Variants in RP1L1 observed in about 807,000 individuals in gnomAD.
RP1L1 encodes retinitis pigmentosa 1-like 1 protein.
A neutral mutation model predicts 15.7 loss-of-function variants in RP1L1; 27 were observed. The observed-to-expected ratio is 1.72, with a 90% CI of 1.27 to 2.38. The LOEUF is 2.38. Among genes scored for constraint, RP1L1 ranks in the 30% most tolerant of loss-of-function variants. RP1L1 has a pLI of 0.00. For synonymous variants in RP1L1, 1,813 were observed against 1,276.7 expected (o/e 1.42, Z -8.96); for missense variants, 4,798 against 3,075.9 (o/e 1.56, Z -13.24).
intron 1 of RP1L1, among the ~76,000 whole-genome samples, chr8:10,642,114 C>G (rs968298166): frequency 1.3e-5 from 2 of 151,884 alleles, no homozygotes; most frequent in African/African-American, 4.8e-5. Context: ...CAGGTGATCC[C>G]TCTGTATTAT....
At chr8:10,631,226 C>G (rs536021230) in intron 1 of RP1L1, among the ~76,000 whole-genome samples, 1 of 146,540 alleles carries the variant, frequency 6.8e-6, no homozygotes, top group African/African-American at 2.5e-5. Flanking sequence ...CACACACAAA[C>G]GCACACACGT....
Position 10,610,053 on chromosome 8 carries a change from G to T in RP1L1, c.4045C>A (p.Gln1349Lys). Residue 1349 changes from glutamine (Q) to lysine (K), a missense_variant, in exon 4 of 4, where the codon CAG (glutamine) becomes AAG (lysine). By Grantham distance (53) the Gln-to-Lys change is moderately conservative. Coordinates refer to ENST00000382483, the MANE Select transcript of RP1L1 (RefSeq NM_178857.6). Reference protein sequence around the residue: ...EETKETEGEGQQEEEAQLEEI... With the variant: ...EETKETEGEGKQEEEAQLEEI... The stretch of plus-strand genomic sequence containing the variant: ...TCTAACTGCGCCTCTTCTTCTTGCT[G>T]TCCTTCTCCTTCTGTTTCTTTAGTT... 3 of 1,263,470 alleles carry T rather than the reference G, an allele frequency of 2.4e-6. No individual in the cohort carries two copies. The highest frequency in any genetic ancestry group is 1.4e-5 in the South Asian group (1 of 73,898). The allele number at this position is 1,263,470 out of a possible 1,614,324, so 78.3% of individuals were successfully genotyped here.
At position 10,607,485 on chromosome 8, in the gene RP1L1, C is replaced by A. The variant is rs970735215; in HGVS notation, c.6613G>T (p.Ala2205Ser). 1 of 1,609,638 alleles carries A rather than the reference C, an allele frequency of 6.2e-7. No individual in the cohort carries two copies. Among genetic ancestry groups the A allele is most frequent in the Non-Finnish European group, 8.5e-7 (1 of 1,176,992 alleles). ...GIEAPEAEGEAQPELEGVEAP... is the reference protein window; with the variant it reads ...GIEAPEAEGESQPELEGVEAP... ...TCTACACCTTCTAACTCTGGTTGGG[C>A]CTCCCCTTCTGCCTCTGGGGCCTCT... Residue 2205 changes from alanine to serine, a missense_variant, in exon 4 of 4, where the codon GCC becomes TCC. Coordinates refer to ENST00000382483, the MANE Select transcript of RP1L1 (RefSeq NM_178857.6).
intron 1 of RP1L1, among the ~76,000 whole-genome samples, chr8:10,651,363 T>C (rs1447234891): frequency 6.6e-6 from 1 of 152,224 alleles, no homozygotes; most frequent in East Asian, 1.9e-4. Flanking sequence ...CAGGTGAATC[T>C]GGGGCCTTGG....
Position 10,613,058 on chromosome 8 carries a change from C to T in RP1L1, c.1040G>A (p.Ser347Asn), listed in dbSNP as rs749361373. Reference sequence around the variant, plus strand: ...TTCCCCACTGGCTGCCGTGAGGGCGCTGGCCCTGCCCATCCTCCGGGACCA... The same window carrying T: ...TTCCCCACTGGCTGCCGTGAGGGCGTTGGCCCTGCCCATCCTCCGGGACCA... ...LLWSRRMGRASALTAASGEDP... is the reference protein window; with the variant it reads ...LLWSRRMGRANALTAASGEDP... Residue 347 changes from serine to asparagine, a missense_variant, in exon 4 of 4, where the codon AGC becomes AAC. Transcript: ENST00000382483. 1 of 1,613,664 alleles carries T rather than the reference C, an allele frequency of 6.2e-7. No homozygotes were observed. The highest frequency in any genetic ancestry group is 8.5e-7 in the Non-Finnish European group (1 of 1,180,040).
rs1168254675 is a variant in RP1L1 at position 10,622,963 on chromosome 8, G to C, written c.239C>G (p.Ser80Cys). ...ATGCAGGCCCCGGGGTGTGGTGACAGAGCGCACCCCAAAGGAGAGAGGCAC... is the reference window on the plus strand; with the variant it reads ...ATGCAGGCCCCGGGGTGTGGTGACACAGCGCACCCCAAAGGAGAGAGGCAC... ...QRVPLSFGVR[S>C]VTTPRGLHSL... The change falls in exon 2 of 4, where the codon TCT (serine) becomes TGT (cysteine). Residue 80 changes from serine (S) to cysteine (C), a missense_variant. Ser to Cys is a moderately radical substitution (Grantham distance 112, BLOSUM62 -1). Coordinates refer to ENST00000382483, the MANE Select transcript of RP1L1 (RefSeq NM_178857.6). The C allele has an allele frequency of 6.2e-7, 1 of 1,614,172 alleles. No individual in the cohort carries two copies. The highest frequency in any genetic ancestry group is 1.1e-5 in the South Asian group (1 of 91,084).
At chr8:10,621,309 A>C (rs1323428071) in intron 2 of RP1L1, 1 of 160,914 alleles carries the variant, frequency 6.2e-6, no homozygotes, top group African/African-American at 2.4e-5. Flanking sequence ...TTTATAACAA[A>C]GTTTTTGTAA....
Position 10,610,744 on chromosome 8 carries a change from G to T in RP1L1, c.3354C>A (p.Leu1118=). 6.2e-7 allele frequency: 1 copy of T among 1,613,462 alleles called. No individual in the cohort carries two copies. Among genetic ancestry groups the T allele is most frequent in the Admixed American group, 1.7e-5 (1 of 60,028 alleles). The part of the protein sequence containing the change: ...ARRLSCSAGA[L]ITCLASLQLF... ...ACTGCAGACTGGCCAGACAAGTAAT[G>T]AGGGCCCCGGCTGAGCAGCTGAGCC... Residue 1118 remains leucine, a synonymous_variant, in exon 4 of 4, where the codon CTC becomes CTA. Transcript: ENST00000382483.
At chr8:10,633,290 C>A (rs1202436851) in intron 1 of RP1L1, among the ~76,000 whole-genome samples, 3 of 152,208 alleles carry the variant, frequency 2.0e-5, no homozygotes, top group African/African-American at 7.2e-5. Context: ...ACTCTCTGAT[C>A]TCCCACTAGT....
In RP1L1 at chr8:10,609,160, C is replaced by G. The variant is rs773690105; in HGVS notation, c.4938G>C (p.Gln1646His). 2 of 1,613,346 alleles carry G rather than the reference C, an allele frequency of 1.2e-6. No individual in the cohort carries two copies. The highest frequency in any genetic ancestry group is 4.5e-5 in the East Asian group (2 of 44,870). Reference protein sequence around the residue: ...EPALSTALGSQLGEEAEGEEF... With the variant: ...EPALSTALGSHLGEEAEGEEF... ...CCTCCCCCTCCGCCTCCTCGCCCAGCTGGCTCCCCAGGGCTGTGCTGAGGG... is the reference window on the plus strand; with the variant it reads ...CCTCCCCCTCCGCCTCCTCGCCCAGGTGGCTCCCCAGGGCTGTGCTGAGGG... Residue 1646 changes from glutamine to histidine, a missense_variant, in exon 4 of 4, where the codon CAG (glutamine) becomes CAC (histidine). Gln to His is a conservative substitution (Grantham distance 24, BLOSUM62 0). Coordinates refer to ENST00000382483, the MANE Select transcript of RP1L1 (RefSeq NM_178857.6).
Position 10,613,073 on chromosome 8 carries a change from C to T in RP1L1, c.1025G>A (p.Arg342Lys), listed in dbSNP as rs867536817. Residue 342 changes from arginine (R) to lysine (K), a missense_variant, in exon 4 of 4, where the codon AGG (arginine) becomes AAG (lysine). Coordinates refer to ENST00000382483, the MANE Select transcript of RP1L1 (RefSeq NM_178857.6). The stretch of plus-strand genomic sequence containing the variant: ...CGTGAGGGCGCTGGCCCTGCCCATC[C>T]TCCGGGACCATAGGAGCGTGTCCTC... ...VGEDTLLWSR[R>K]MGRASALTAA... The T allele has an allele frequency of 5.0e-6, 8 of 1,613,766 alleles. No individual in the cohort carries two copies. The highest frequency in any genetic ancestry group is 5.9e-6 in the Non-Finnish European group (7 of 1,180,040).
intron 1 of RP1L1, among the ~76,000 whole-genome samples, chr8:10,631,887 CG>C (rs1798258813): frequency 6.6e-6 from 1 of 152,218 alleles, no homozygotes; most frequent in Admixed American, 6.5e-5. Flanking sequence ...GAAGCCAGCA[CG>C]GGGCGGATTT....
intron 2 of RP1L1, chr8:10,621,579 G>C (rs576061718): frequency 1.3e-5 from 5 of 397,252 alleles, no homozygotes; most frequent in South Asian, 9.2e-5. Flanking sequence ...GCCTGCCTCA[G>C]CCTCCCAAAG....
chr8:10,629,656 G>A (rs1039853734), intron 1 of RP1L1, among the ~76,000 whole-genome samples: 1 of 152,130 alleles, frequency 6.6e-6, no homozygotes, highest in Non-Finnish European at 1.5e-5. Context: ...CTTAAACCAG[G>A]TAGAGGTTTA....
At position 10,611,717 on chromosome 8, in the gene RP1L1, TCC is replaced by T. The variant is rs777947978; in HGVS notation, c.2379_2380del (p.Glu794ArgfsTer20). On this transcript the variant is annotated frameshift_variant, in exon 4 of 4. Transcript: ENST00000382483. LOFTEE classifies it low-confidence loss of function (END_TRUNC). ...GGGCTGAGGCGTGTCCCTGGCCTCT[TCC>T]CCCAGGCTGGCAGCCCCAGATTTTG... 1 of 1,613,358 alleles carries T rather than the reference TCC, an allele frequency of 6.2e-7. No homozygotes were observed. Among genetic ancestry groups the T allele is most frequent in the Non-Finnish European group, 8.5e-7 (1 of 1,179,954 alleles).
Position 10,606,849 on chromosome 8 carries a change from A to G in RP1L1, c.*46T>C. 6.2e-7 allele frequency: 1 copy of G among 1,612,382 alleles called. No individual in the cohort carries two copies. The highest frequency in any genetic ancestry group is 8.5e-7 in the Non-Finnish European group (1 of 1,179,984). On this transcript the variant is annotated 3_prime_UTR_variant, in exon 4 of 4. Transcript: ENST00000382483. ...CAGTTTTGTAGAAAAAATATGAATAAAAACAGAGCTCCCAAGCTCGTGATT... is the reference window on the plus strand; with the variant it reads ...CAGTTTTGTAGAAAAAATATGAATAGAAACAGAGCTCCCAAGCTCGTGATT...
Position 10,610,864 on chromosome 8 carries a change from C to A in RP1L1, c.3234G>T (p.Arg1078=), listed in dbSNP as rs1373411758. Residue 1078 remains arginine (R), a synonymous_variant, in exon 4 of 4, where the codon CGG becomes CGT. Coordinates refer to ENST00000382483, the MANE Select transcript of RP1L1 (RefSeq NM_178857.6). The part of the protein sequence containing the change: ...CRVSLRALPG[R]VSASTQIMRA... ...TCATGATCTGCGTGGAGGCAGACAC[C>A]CGGCCAGGAAGTGCCCGCAGGCTCA... 1.2e-6 allele frequency: 2 copies of A among 1,608,220 alleles called. No individual in the cohort carries two copies. The highest frequency in any genetic ancestry group is 3.3e-5 in the Admixed American group (2 of 59,770).
chr8:10,611,864 T>A lies in RP1L1; in HGVS notation c.2234A>T (p.His745Leu), dbSNP rs754420197. The change falls in exon 4 of 4, where the codon CAC becomes CTC. Residue 745 changes from histidine (H) to leucine (L), a missense_variant. Transcript: ENST00000382483. ...TSSATVTPAV[H>L]SDFVSGVSPH... ...GGAGACTCCAGAAACAAAATCCGAG[T>A]GGACTGCAGGGGTGACAGTGGCACT... 1.1e-5 allele frequency: 18 copies of A among 1,613,614 alleles called. No homozygotes were observed. The highest frequency in any genetic ancestry group is 1.5e-5 in the Non-Finnish European group (18 of 1,179,986).
chr8:10,619,819 G>C (rs1343127743), intron 2 of RP1L1, among the ~76,000 whole-genome samples: 1 of 152,012 alleles, frequency 6.6e-6, no homozygotes, highest in Non-Finnish European at 1.5e-5. Context: ...CATTAGCTGG[G>C]CATGGTGGCA....
Sources: gnomAD v4.1 joint callset for allele counts (sites outside exome capture counted in the v4.1 genomes callset) on GRCh38, gnomAD v4.1.1 for gene constraint, MANE v1.5 for transcripts, NCBI Gene and HGNC (gene_info 2026-07-23, HGNC 2026-07-21) for gene names.